DEPDC5: variants seen among roughly 807,000 people sequenced by gnomAD.
DEPDC5 encodes the protein DEP domain containing 5, GATOR1 subcomplex subunit.
DEPDC5 carries 73 observed loss-of-function variants against 217.3 expected under a neutral mutation model. The observed-to-expected ratio is 0.34, with a 90% CI of 0.28 to 0.41. DEPDC5 has a LOEUF of 0.41. DEPDC5 is among the 10% of genes least tolerant of loss of function. DEPDC5 has a pLI of 1.00. For synonymous variants in DEPDC5, 733 were observed against 756.7 expected, an observed-to-expected ratio of 0.97 and a Z score of 0.51; for missense variants, 1,675 against 2,070.1, an observed-to-expected ratio of 0.81 and a Z score of 3.70.
At chr22:31,820,140 C>T (rs539509135) in intron 22 of DEPDC5, among the ~76,000 whole-genome samples, 6 of 152,048 alleles carry the variant, frequency 3.9e-5, no homozygotes, top group Middle Eastern at 3.4e-3. Flanking sequence ...GAGACAGTGT[C>T]TCACTCTGTT....
intron 17 of DEPDC5, among the ~76,000 whole-genome samples, 178 bp from the exon 18 acceptor site, chr22:31,805,944 A>G (rs919689668): frequency 1.3e-5 from 2 of 152,188 alleles, no homozygotes; most frequent in East Asian, 3.9e-4. Context: ...CCAAAAAACA[A>G]AACATAACTA....
chr22:31,866,808 C>T (rs1353099392), intron 33 of DEPDC5, among the ~76,000 whole-genome samples: 1 of 152,142 alleles, frequency 6.6e-6, no homozygotes, highest in Non-Finnish European at 1.5e-5. Flanking sequence ...GTTACAGATA[C>T]TCAAAAAGAA....
At chr22:31,830,663 G>T (rs887786474) in intron 24 of DEPDC5, among the ~76,000 whole-genome samples, 6 of 151,434 alleles carry the variant, frequency 4.0e-5, no homozygotes, top group Non-Finnish European at 7.4e-5. Context: ...GTGTGTGTGT[G>T]TGTGTGTAGG....
chr22:31,811,715 A>T (rs546202734), intron 20 of DEPDC5, among the ~76,000 whole-genome samples: 20 of 151,800 alleles, frequency 1.3e-4, no homozygotes, highest in African/African-American at 4.8e-4. Flanking sequence ...ATGTCCAGCT[A>T]GTTTTTAATT....
chr22:31,847,382 T>C (rs1447632235), intron 31 of DEPDC5, among the ~76,000 whole-genome samples: 1 of 149,062 alleles, frequency 6.7e-6, no homozygotes, highest in Admixed American at 6.7e-5. Flanking sequence ...AAGCCAGGTA[T>C]ATTAGTCCAT....
intron 22 of DEPDC5, among the ~76,000 whole-genome samples, chr22:31,820,963 C>T (rs1261817687): frequency 6.6e-6 from 1 of 152,162 alleles, no homozygotes; most frequent in African/African-American, 2.4e-5. Flanking sequence ...ACCCAGATGC[C>T]CTCTTCCTTC....
At chr22:31,789,590 A>G (rs77563168) in intron 10 of DEPDC5, among the ~76,000 whole-genome samples, 121 of 152,336 alleles carry the variant, frequency 7.9e-4, no homozygotes, top group African/African-American at 2.7e-3. Context: ...AAATGTCACG[A>G]TGGCAATATT....
intron 27 of DEPDC5, among the ~76,000 whole-genome samples, chr22:31,839,540 A>C: frequency 6.6e-6 from 1 of 151,322 alleles, no homozygotes; most frequent in Non-Finnish European, 1.5e-5. Flanking sequence ...CTGATCACCT[A>C]GTGATAACCT....
In DEPDC5 at chr22:31,809,597, A is replaced by AT. The variant is rs764322066; in HGVS notation, c.1288-11dup. 1 of 1,613,912 alleles carries AT rather than the reference A, an allele frequency of 6.2e-7. No individual in the cohort carries two copies. The highest frequency in any genetic ancestry group is 1.7e-5 in the Admixed American group (1 of 59,996). On this transcript the variant is annotated splice_polypyrimidine_tract_variant and intron_variant, in intron 18 of 42. Transcript: ENST00000651528. ...CGAAGGAAGGAGTGATTAATTATCT[A>AT]TTTAATTTTTCAGCCCGCCTCTGAG...
intron 38 of DEPDC5, among the ~76,000 whole-genome samples, chr22:31,881,291 C>CAAAA (rs67347332): frequency 9.3e-6 from 1 of 107,214 alleles, no homozygotes; most frequent in Admixed American, 1.0e-4. Flanking sequence ...CTCCATCTCT[C>CAAAA]AAAAAAAAAA....
Position 31,843,741 on chromosome 22 carries a change from C to A in DEPDC5, c.2730C>A (p.His910Gln). 6.2e-7 allele frequency: 1 copy of A among 1,614,056 alleles called. No homozygotes were observed. The highest frequency in any genetic ancestry group is 8.5e-7 in the Non-Finnish European group (1 of 1,179,986). ...TCTCCTGCTGGGTGGAATTCTCCCA[C>A]GAACGGCTGGAGGAGTACAAGTGGA... is the stretch of plus-strand genomic sequence containing the variant. The part of the protein sequence containing the change: ...EFVSCWVEFS[H>Q]ERLEEYKWNY... Residue 910 changes from histidine to glutamine, a missense_variant, in exon 29 of 43, where the codon CAC (histidine) becomes CAA (glutamine). Transcript: ENST00000651528.
At chr22:31,861,341 T>C in intron 32 of DEPDC5, 27 bp from the exon 33 acceptor site, 2 of 1,550,972 alleles carry the variant, frequency 1.3e-6, no homozygotes, top group Non-Finnish European at 1.7e-6. Flanking sequence ...CAACTGCTGC[T>C]GCTGCTTCCT....
At position 31,803,574 on chromosome 22, in the gene DEPDC5, G is replaced by GAGTCCTTCCT. The variant is rs1234067803; in HGVS notation, c.1082-588_1082-587insAGTCCTTCCT. 3.7e-4 allele frequency among the ~76,000 whole-genome samples: 56 copies of GAGTCCTTCCT among 151,984 alleles called. No homozygotes were observed. In the East Asian group the frequency reaches 9.3e-3, roughly 25 times the overall value. On this transcript the variant is annotated intron_variant, in intron 15 of 42. Transcript: ENST00000651528. Reference sequence around the variant, plus strand: ...TAGTCCAGTCCTTCCTCCATGATGTGCCTCGTATCCCCAACTCAGCCCCAC... The same window carrying GAGTCCTTCCT: ...TAGTCCAGTCCTTCCTCCATGATGTGAGTCCTTCCTCCTCGTATCCCCAACTCAGCCCCAC...
At chr22:31,902,138 C>T (rs1271334205) in intron 41 of DEPDC5, among the ~76,000 whole-genome samples, 2 of 151,962 alleles carry the variant, frequency 1.3e-5, no homozygotes, top group African/African-American at 4.8e-5. Flanking sequence ...GTGTCAAGAG[C>T]CCAACACAGG....
chr22:31,906,436 A>T lies in DEPDC5; in HGVS notation c.4751A>T (p.Asp1584Val). 6.2e-7 allele frequency: 1 copy of T among 1,614,068 alleles called. No individual in the cohort carries two copies. The highest frequency in any genetic ancestry group is 1.1e-5 in the South Asian group (1 of 91,084). Residue 1584 changes from aspartate to valine, a missense_variant, in exon 43 of 43, where the codon GAC becomes GTC. Physicochemically the swap from Asp to Val is radical, Grantham distance 152 (BLOSUM62 -3). Around this residue, in one of 11 missense-constraint regions of DEPDC5, gnomAD observed 49 missense variants for 74.7 expected, o/e 0.66. Transcript: ENST00000651528. The surrounding 1 kb of genome is among the most constrained non-coding windows in gnomAD (Gnocchi z 5.1). ...KDFTDFCINR[D>V]NRLVTFWTSC... ...TTCACGGACTTCTGCATCAACCGTGACAACCGGCTGGTCACGTTCTGGACA... is the reference window on the plus strand; with the variant it reads ...TTCACGGACTTCTGCATCAACCGTGTCAACCGGCTGGTCACGTTCTGGACA...
At chr22:31,891,065 A>G (rs1270238714) in intron 38 of DEPDC5, 3 of 261,526 alleles carry the variant, frequency 1.1e-5, no homozygotes, top group African/African-American at 2.3e-5. Context: ...TATGGCAGAT[A>G]TTACTTTCAA....
chr22:31,816,870 A>C (rs1269570875), intron 21 of DEPDC5: 1 of 153,612 alleles, frequency 6.5e-6, no homozygotes, highest in African/African-American at 2.4e-5. Context: ...ATCAGGCAGC[A>C]CATCTTGGGT....
rs548069964 is a variant in DEPDC5 at position 31,829,655 on chromosome 22, A to G, written c.2105-4260A>G. Among the ~76,000 whole-genome samples, 13 of 152,264 alleles carry G rather than the reference A, an allele frequency of 8.5e-5. No homozygotes were observed. The Middle Eastern group carries it at 0.01, about 120-fold the overall frequency. On this transcript the variant is annotated intron_variant, in intron 24 of 42. Coordinates refer to ENST00000651528, the MANE Select transcript of DEPDC5 (RefSeq NM_001242896.3). ...CTCAGTCTTTCTCCTGCATTTGGAC[A>G]TGATTCATATGTGAATCATGATTCA...
At chr22:31,797,515 CA>C in intron 12 of DEPDC5, 84 bp from the exon 13 acceptor site, 1 of 1,119,464 alleles carries the variant, frequency 8.9e-7, no homozygotes, top group African/African-American at 1.5e-5. Flanking sequence ...ATGGGTATTA[CA>C]ATTTGAGATG....
Sources: gnomAD v4.1 joint callset for allele counts (sites outside exome capture counted in the v4.1 genomes callset) on GRCh38, gnomAD v4.1.1 for gene constraint, gnomAD v4.1.1 regional missense constraint, Gnocchi (gnomAD v3.1) non-coding constraint, MANE v1.5 for transcripts, NCBI Gene and HGNC (gene_info 2026-07-23, HGNC 2026-07-21) for gene names.